Variants in FRMPD4 observed in about 807,000 individuals in gnomAD.
FRMPD4 encodes FERM and PDZ domain containing 4.
Under a neutral mutation model 94.1 loss-of-function variants are expected in FRMPD4, and 22 were observed. The observed-to-expected ratio is 0.23, with a 90% CI of 0.17 to 0.33. FRMPD4 has a LOEUF of 0.33. FRMPD4 is among the 10% of genes least tolerant of loss of function. FRMPD4 has a pLI of 1.00. For missense variants in FRMPD4, 1,111 were observed against 1,339.9 expected, an observed-to-expected ratio of 0.83 and a Z score of 2.67; for synonymous variants, 631 against 548.6, an observed-to-expected ratio of 1.15 and a Z score of -2.10.
intron 1 of FRMPD4, among the ~76,000 whole-genome samples, chrX:12,364,773 G>A (rs1460533729): frequency 9.0e-6 from 1 of 111,506 alleles, no homozygotes; most frequent in Admixed American, 9.4e-5. Flanking sequence ...TGCGCCCCCC[G>A]CCCTACCACC....
chrX:11,824,247 C>A (rs771365348), intron 1 of FRMPD4, among the ~76,000 whole-genome samples: 47 of 65,112 alleles, frequency 7.2e-4, no homozygotes, highest in Non-Finnish European at 6.3e-4. Flanking sequence ...TAGCCTTGAA[C>A]AAGTTAAGTT....
intron 1 of FRMPD4, among the ~76,000 whole-genome samples, chrX:12,227,817 AAG>A (rs1373981953): frequency 1.1e-5 from 1 of 91,148 alleles, no homozygotes; most frequent in Non-Finnish European, 2.2e-5. Flanking sequence ...AAAAAAGAGA[AAG>A]AGAGGGAGAG....
chrX:12,060,273 T>G (rs2054877774), intron 3 of FRMPD4, among the ~76,000 whole-genome samples: 2 of 109,569 alleles, frequency 1.8e-5, no homozygotes, highest in Non-Finnish European at 1.9e-5. Flanking sequence ...ACTGGTTTTT[T>G]TTTTTTTTTT....
chrX:12,559,064 A>G (rs1013992215), intron 2 of FRMPD4, among the ~76,000 whole-genome samples: 2 of 112,255 alleles, frequency 1.8e-5, no homozygotes, highest in Non-Finnish European at 3.8e-5. Context: ...TTGCCTACCC[A>G]TTACCCAAGA....
At chrX:11,880,288 G>T (rs2053806405) in intron 3 of FRMPD4, among the ~76,000 whole-genome samples, 1 of 111,066 alleles carries the variant, frequency 9.0e-6, no homozygotes, top group African/African-American at 3.3e-5. Flanking sequence ...ATCTGGTTGG[G>T]GAGATAAGTG....
chrX:12,264,738 T>C (rs778646362), intron 1 of FRMPD4, among the ~76,000 whole-genome samples: 8 of 112,567 alleles, frequency 7.1e-5, no homozygotes, highest in African/African-American at 2.6e-4. Flanking sequence ...AGCTACTGTT[T>C]GGTTGATTTA....
chrX:12,164,872 C>T lies in FRMPD4; in HGVS notation c.41+25860C>T, dbSNP rs1433472445. On this transcript the variant is annotated intron_variant, in intron 1 of 16. Transcript: ENST00000675598. Reference sequence around the variant, plus strand: ...CTTTTGAGAAGTGTCTGTTCATATCCTTCGCCCACTTTTTGATGGGGTTGT... The same window carrying T: ...CTTTTGAGAAGTGTCTGTTCATATCTTTCGCCCACTTTTTGATGGGGTTGT... 2.7e-5 allele frequency among the ~76,000 whole-genome samples: 3 copies of T among 112,342 alleles called. No homozygotes were observed. In the Admixed American group the frequency reaches 2.8e-4, roughly 11 times the overall value.
At chrX:12,046,733 C>A (rs181899716) in intron 3 of FRMPD4, among the ~76,000 whole-genome samples, 1 of 112,339 alleles carries the variant, frequency 8.9e-6, no homozygotes, top group East Asian at 2.8e-4. Flanking sequence ...TCCCTGGGCA[C>A]ACCACCCTCC....
chrX:11,854,360 G>A (rs988289083), intron 1 of FRMPD4, among the ~76,000 whole-genome samples: 4 of 111,237 alleles, frequency 3.6e-5, no homozygotes, highest in Non-Finnish European at 7.5e-5. Flanking sequence ...TCATGTCCTC[G>A]CAATTCAAAA....
At chrX:12,663,699 C>T (rs1483376338) in intron 4 of FRMPD4, among the ~76,000 whole-genome samples, 1 of 111,894 alleles carries the variant, frequency 8.9e-6, no homozygotes, top group African/African-American at 3.3e-5. Context: ...TTTTTTGGTT[C>T]CATATGAAAT....
chrX:11,831,574 C>T (rs1021514172), intron 1 of FRMPD4, among the ~76,000 whole-genome samples: 1 of 111,438 alleles, frequency 9.0e-6, no homozygotes, highest in African/African-American at 3.3e-5. Flanking sequence ...TAGAGTTCAT[C>T]AGCATATGAG....
chrX:11,896,674 A>G (rs748327643), intron 3 of FRMPD4, among the ~76,000 whole-genome samples: 1 of 112,220 alleles, frequency 8.9e-6, no homozygotes, highest in South Asian at 3.7e-4. Context: ...GCCTGAATGG[A>G]CTAAGACATC....
chrX:12,296,986 G>A (rs1056459196), intron 1 of FRMPD4, among the ~76,000 whole-genome samples: 1 of 112,312 alleles, frequency 8.9e-6, no homozygotes, highest in South Asian at 3.7e-4. Flanking sequence ...TGTGTGCTTC[G>A]ACAGGTACTC....
intron 4 of FRMPD4, among the ~76,000 whole-genome samples, chrX:12,662,279 G>A (rs192958949): frequency 9.1e-6 from 1 of 110,042 alleles, no homozygotes; most frequent in Admixed American, 9.7e-5. Context: ...GTATACACGT[G>A]CCATGGTGGT....
At chrX:11,905,141 CA>C (rs779982158) in intron 3 of FRMPD4, among the ~76,000 whole-genome samples, 1 of 112,210 alleles carries the variant, frequency 8.9e-6, no homozygotes, top group Non-Finnish European at 1.9e-5. Context: ...GACTTTTAGC[CA>C]ATGAGACATA....
intron 1 of FRMPD4, among the ~76,000 whole-genome samples, chrX:12,227,255 G>A (rs1469070471): frequency 9.9e-5 from 11 of 110,876 alleles, no homozygotes; most frequent in Non-Finnish European, 1.3e-4. Context: ...GCCTGGTAGT[G>A]TATCGCCAGA....
intron 1 of FRMPD4, among the ~76,000 whole-genome samples, chrX:12,220,863 A>G (rs1232860101): frequency 5.4e-5 from 6 of 112,040 alleles, no homozygotes; most frequent in Non-Finnish European, 9.4e-5. Context: ...CATATTGCCA[A>G]TTACTTGAAT....
intron 3 of FRMPD4, among the ~76,000 whole-genome samples, chrX:12,076,863 T>G (rs1473666816): frequency 1.8e-5 from 2 of 111,754 alleles, no homozygotes; most frequent in Non-Finnish European, 3.8e-5. Flanking sequence ...CTTCTCTCTT[T>G]CCTAAATCTG....
chrX:12,131,849 AACTT>A (rs1248933113), intron 3 of FRMPD4, among the ~76,000 whole-genome samples: 1 of 112,095 alleles, frequency 8.9e-6, no homozygotes. Flanking sequence ...TTTTTTCTCT[AACTT>A]ACAGGGTTAT....
Sources: allele counts gnomAD v4.1 joint callset (sites outside exome capture counted in the v4.1 genomes callset), GRCh38; gene constraint gnomAD v4.1.1; transcripts MANE v1.5; gene names NCBI Gene and HGNC (gene_info 2026-07-23, HGNC 2026-07-21).